The following ENTREP2 variants were observed in gnomAD, a reference collection of about 807,000 sequenced individuals.
ENTREP2 encodes endosomal transmembrane epsin interactor 2.
the ENTREP2 span, among the ~76,000 whole-genome samples, chr15:29,381,476 A>G: frequency 6.7e-6 from 1 of 150,030 alleles, no homozygotes; most frequent in African/African-American, 2.4e-5. Flanking sequence ...AAAAAAAAAA[A>G]AAAAGCCCTT....
the ENTREP2 span, among the ~76,000 whole-genome samples, chr15:29,211,902 A>G: frequency 4.6e-5 from 7 of 152,320 alleles, no homozygotes; most frequent in African/African-American, 1.7e-4. Flanking sequence ...AGGATTTAGC[A>G]TCTATGTTCA....
the ENTREP2 span, among the ~76,000 whole-genome samples, chr15:29,442,490 G>A: frequency 6.6e-6 from 1 of 152,192 alleles, no homozygotes; most frequent in African/African-American, 2.4e-5. Flanking sequence ...TCATATCAAA[G>A]AGGGGGAACT....
At chr15:29,515,177 C>A in the ENTREP2 span, among the ~76,000 whole-genome samples, 1 of 152,288 alleles carries the variant, frequency 6.6e-6, no homozygotes, top group African/African-American at 2.4e-5. Flanking sequence ...ATCCTGACTG[C>A]GGAGCAGGAC....
At chr15:29,449,717 A>G in the ENTREP2 span, among the ~76,000 whole-genome samples, 1 of 152,232 alleles carries the variant, frequency 6.6e-6, no homozygotes, top group Admixed American at 6.5e-5. Flanking sequence ...TGGCAGCTTA[A>G]GACTCAAGAC....
At chr15:29,305,505 G>A in the ENTREP2 span, among the ~76,000 whole-genome samples, 71 of 152,330 alleles carry the variant, frequency 4.7e-4, no homozygotes, top group African/African-American at 1.6e-3. Flanking sequence ...TGGAGGTGAT[G>A]AGAAGTGGCT....
the ENTREP2 span, among the ~76,000 whole-genome samples, chr15:29,567,493 C>A: frequency 6.6e-6 from 1 of 152,180 alleles, no homozygotes; most frequent in African/African-American, 2.4e-5. Context: ...TTCAAAGCTA[C>A]TTCATAGCTG....
the ENTREP2 span, among the ~76,000 whole-genome samples, chr15:29,361,791 G>C: frequency 2.6e-5 from 4 of 152,176 alleles, no homozygotes; most frequent in Non-Finnish European, 5.9e-5. Flanking sequence ...AATCAGCCCA[G>C]GGTTAGACAC....
At chr15:29,132,146 C>T in the ENTREP2 span, among the ~76,000 whole-genome samples, 4 of 151,486 alleles carry the variant, frequency 2.6e-5, no homozygotes, top group African/African-American at 7.4e-5. Flanking sequence ...GCACTTTCTA[C>T]GCCATTTGTC....
chr15:29,641,508 A>G, the ENTREP2 span, among the ~76,000 whole-genome samples: 3 of 152,204 alleles, frequency 2.0e-5, no homozygotes, highest in African/African-American at 4.8e-5. Context: ...TTGTATTTCT[A>G]TACATTAGCA....
the ENTREP2 span, among the ~76,000 whole-genome samples, chr15:29,138,556 CATGTGCATGTGT>C: frequency 7.0e-6 from 1 of 142,008 alleles, no homozygotes; most frequent in Admixed American, 6.9e-5. Context: ...TGTGTGTGTG[CATGTGCATGTGT>C]ATGTGCATGT....
At chr15:29,261,164 A>G in the ENTREP2 span, among the ~76,000 whole-genome samples, 5,955 of 152,242 alleles carry the variant, frequency 0.039, 381 homozygotes, top group African/African-American at 0.14. Context: ...TGCTTGTGGT[A>G]AGGAGCTCAA....
At chr15:29,464,716 G>A in the ENTREP2 span, among the ~76,000 whole-genome samples, 3 of 152,262 alleles carry the variant, frequency 2.0e-5, no homozygotes, top group Non-Finnish European at 2.9e-5. Context: ...AGGCGATGTG[G>A]AGGGGCCCCC....
chr15:29,197,070 C>T, the ENTREP2 span, among the ~76,000 whole-genome samples: 2 of 152,198 alleles, frequency 1.3e-5, no homozygotes, highest in African/African-American at 4.8e-5. Flanking sequence ...TATCCAGCTA[C>T]AGGTGCATCT....
At chr15:29,216,631 C>A in the ENTREP2 span, among the ~76,000 whole-genome samples, 1 of 152,126 alleles carries the variant, frequency 6.6e-6, no homozygotes, top group African/African-American at 2.4e-5. Flanking sequence ...TTTTGTTACA[C>A]CCGAGCGAGT....
the ENTREP2 span, among the ~76,000 whole-genome samples, chr15:29,544,633 A>C: frequency 6.6e-6 from 1 of 152,158 alleles, no homozygotes; most frequent in African/African-American, 2.4e-5. Flanking sequence ...GGGTAAGGAA[A>C]GCCTTCGTAA....
At chr15:29,187,263 T>TC in the ENTREP2 span, among the ~76,000 whole-genome samples, 2 of 151,940 alleles carry the variant, frequency 1.3e-5, no homozygotes, top group African/African-American at 2.4e-5. Flanking sequence ...TCTGTTTTTC[T>TC]TTCTTTCTTT....
the ENTREP2 span, among the ~76,000 whole-genome samples, chr15:29,623,095 A>G: frequency 6.6e-6 from 1 of 152,220 alleles, no homozygotes; most frequent in East Asian, 1.9e-4. Flanking sequence ...TCTTTGGACA[A>G]AGAGTTATGG....
the ENTREP2 span, among the ~76,000 whole-genome samples, chr15:29,405,897 T>C: frequency 2.2e-4 from 33 of 152,232 alleles, no homozygotes; most frequent in African/African-American, 8.0e-4. Context: ...GTGCTGACTT[T>C]TCCCCTTTAT....
chr15:29,370,560 G>A, the ENTREP2 span, among the ~76,000 whole-genome samples: 5 of 151,606 alleles, frequency 3.3e-5, no homozygotes, highest in Admixed American at 1.3e-4. Context: ...ATTGACAACC[G>A]GAAGACTGCA....
Sources: gnomAD v4.1 joint callset for allele counts (sites outside exome capture counted in the v4.1 genomes callset) on GRCh38, gnomAD v4.1.1 for gene constraint, MANE v1.5 for transcripts, NCBI Gene and HGNC (gene_info 2026-07-23, HGNC 2026-07-21) for gene names.